PCDHGB5: variants seen among roughly 807,000 people sequenced by gnomAD.
PCDHGB5 encodes protocadherin gamma subfamily B, 5.
PCDHGB5 carries 48 observed loss-of-function variants against 62.9 expected under a neutral mutation model. The observed-to-expected ratio is 0.76, with a 90% CI of 0.61 to 0.97. The LOEUF is 0.97. PCDHGB5 is among the 50% of genes least tolerant of loss of function. The pLI is 0.00. For synonymous variants in PCDHGB5, 474 were observed against 511.2 expected (o/e 0.93, Z 0.98); for missense variants, 1,118 against 1,198.6 (o/e 0.93, Z 0.99).
At chr5:141,472,040 G>T (rs1431219928) in intron 1 of PCDHGB5, among the ~76,000 whole-genome samples, 4 of 152,018 alleles carry the variant, frequency 2.6e-5, no homozygotes, top group Non-Finnish European at 5.9e-5. Flanking sequence ...GCTGTGAAAA[G>T]ATTTTAAAAA....
At position 141,489,185 on chromosome 5, in the gene PCDHGB5, T is replaced by TCTA; in HGVS notation, c.2398-5620_2398-5618dup. Reference sequence around the variant, plus strand: ...CAGCTGCTGCATTCCAAGCCCTGGGTCTACCTTGGAGACAGGACAGCACAG... The same window carrying TCTA: ...CAGCTGCTGCATTCCAAGCCCTGGGTCTACTACCTTGGAGACAGGACAGCACAG... On this transcript the variant is annotated intron_variant, in intron 1 of 3. Coordinates refer to ENST00000617380, the MANE Select transcript of PCDHGB5 (RefSeq NM_018925.3). This position sits in a 1 kb window ranked among gnomAD's most constrained non-coding sequence, Gnocchi z 4.5. 7.8e-7 allele frequency: 1 copy of TCTA among 1,286,838 alleles called. No homozygotes were observed. The highest frequency in any genetic ancestry group is 1.5e-5 in the South Asian group (1 of 65,798). The allele number at this position is 1,286,838 out of a possible 1,614,324, so 79.7% of individuals were successfully genotyped here.
intron 1 of PCDHGB5, chr5:141,419,504 C>T (rs577411043): frequency 4.7e-5 from 75 of 1,612,298 alleles, no homozygotes; most frequent in South Asian, 2.7e-4. Flanking sequence ...TGTGAGCCTG[C>T]GCGTGTTGGT....
At chr5:141,421,794 G>A in intron 1 of PCDHGB5, 1 of 1,613,788 alleles carries the variant, frequency 6.2e-7, no homozygotes, top group Non-Finnish European at 8.5e-7. Flanking sequence ...GAACGGATGG[G>A]GCCAAGAATC....
At chr5:141,454,789 G>T (rs1368681394) in intron 1 of PCDHGB5, among the ~76,000 whole-genome samples, 1 of 129,576 alleles carries the variant, frequency 7.7e-6, no homozygotes, top group African/African-American at 3.1e-5. Flanking sequence ...AATCCTCCAT[G>T]GTTCTAATTT....
chr5:141,409,143 G>C (rs778597273), intron 1 of PCDHGB5: 2 of 1,613,986 alleles, frequency 1.2e-6, no homozygotes, highest in Admixed American at 3.3e-5. Context: ...GATGTAGAAA[G>C]GTACACCATG....
At chr5:141,419,635 G>A in intron 1 of PCDHGB5, 1 of 1,612,480 alleles carries the variant, frequency 6.2e-7, no homozygotes, top group African/African-American at 1.3e-5. Flanking sequence ...CCAAGGTGGT[G>A]GCCGTGGACG....
chr5:141,419,192 G>A (rs772847766), intron 1 of PCDHGB5: 65 of 1,613,816 alleles, frequency 4.0e-5, no homozygotes, highest in Middle Eastern at 1.6e-4. Context: ...CATTACTGAC[G>A]TCAATGACAA....
intron 1 of PCDHGB5, chr5:141,404,086 G>A: frequency 6.2e-7 from 1 of 1,613,630 alleles, no homozygotes; most frequent in Non-Finnish European, 8.5e-7. Flanking sequence ...ACTCCGGGAA[G>A]AATGGTCAAG....
At position 141,432,816 on chromosome 5, in the gene PCDHGB5, C is replaced by A. The variant is rs778545682; in HGVS notation, c.2397+32292C>A. Reference sequence around the variant, plus strand: ...CTCGAGTCTCCAGCTAACTCTGAAACCTCAGACCTCACTCTGTACCTGGTG... The same window carrying A: ...CTCGAGTCTCCAGCTAACTCTGAAAACTCAGACCTCACTCTGTACCTGGTG... On this transcript the variant is annotated intron_variant, in intron 1 of 3. Transcript: ENST00000617380. The surrounding 1 kb of genome is among the most constrained non-coding windows in gnomAD (Gnocchi z 6.0). The A allele has an allele frequency of 7.6e-5, 122 of 1,614,044 alleles. No individual in the cohort carries two copies. The highest frequency in any genetic ancestry group is 3.3e-5 in the Admixed American group (2 of 60,012).
At chr5:141,441,852 G>A in intron 1 of PCDHGB5, 1 of 352,826 alleles carries the variant, frequency 2.8e-6, no homozygotes, top group South Asian at 2.4e-5. Flanking sequence ...TGGATATGGT[G>A]CTGCACGCCG....
At chr5:141,430,653 A>G (rs2097300223) in intron 1 of PCDHGB5, 4 of 1,073,410 alleles carry the variant, frequency 3.7e-6, no homozygotes, top group Middle Eastern at 2.4e-4. Context: ...TGTGGAAACA[A>G]CGGAGGAGCT....
At chr5:141,414,762 T>G in intron 1 of PCDHGB5, 1 of 1,614,210 alleles carries the variant, frequency 6.2e-7, no homozygotes. Context: ...ATGAGCAGTT[T>G]CATGAGCTAC....
At chr5:141,412,001 A>G (rs2095528527) in intron 1 of PCDHGB5, 1 of 151,750 alleles carries the variant, frequency 6.6e-6, no homozygotes, top group Non-Finnish European at 1.5e-5. Flanking sequence ...GCATAGTGAC[A>G]TAAACACTTC....
chr5:141,404,350 C>T (rs757103755), intron 1 of PCDHGB5: 1 of 1,613,894 alleles, frequency 6.2e-7, no homozygotes, highest in Non-Finnish European at 8.5e-7. Flanking sequence ...AAAACAACGC[C>T]AGAGGTACTT....
At chr5:141,401,115 G>A (rs923480761) in intron 1 of PCDHGB5, among the ~76,000 whole-genome samples, 8 of 152,092 alleles carry the variant, frequency 5.3e-5, no homozygotes, top group Admixed American at 3.9e-4. Context: ...AGGCCGAGGC[G>A]GTTGGATCAC....
intron 1 of PCDHGB5, among the ~76,000 whole-genome samples, chr5:141,448,768 G>T (rs544426582): frequency 2.6e-5 from 4 of 151,750 alleles, no homozygotes; most frequent in Non-Finnish European, 4.4e-5. Context: ...GTGAAACCCC[G>T]TCTGTACTAA....
intron 1 of PCDHGB5, chr5:141,412,984 C>G: frequency 1.8e-6 from 1 of 558,874 alleles, no homozygotes; most frequent in Non-Finnish European, 3.0e-6. Flanking sequence ...GCAGCCAGAG[C>G]TCAATCCGGA....
chr5:141,420,845 G>T (rs1038454602), intron 1 of PCDHGB5, among the ~76,000 whole-genome samples: 4 of 152,200 alleles, frequency 2.6e-5, no homozygotes, highest in Non-Finnish European at 4.4e-5. Context: ...GGTGTTCTTG[G>T]TAAAGTTTTA....
In PCDHGB5 at chr5:141,505,419, C is replaced by T; in HGVS notation, c.2483C>T (p.Thr828Ile). 3 of 1,614,258 alleles carry T rather than the reference C, an allele frequency of 1.9e-6. No homozygotes were observed. Among genetic ancestry groups the T allele is most frequent in the Non-Finnish European group, 2.5e-6 (3 of 1,180,054 alleles). Residue 828 changes from threonine to isoleucine, a missense_variant, in exon 3 of 4, where the codon ACC becomes ATC. By Grantham distance (89) the Thr-to-Ile change is moderately conservative. Around this residue, in one of 2 missense-constraint regions of PCDHGB5, gnomAD observed 1,034 missense variants for 1,029.1 expected, o/e 1.00. Transcript: ENST00000617380. The part of the protein sequence containing the change: ...SGSQNGDDTG[T>I]WPNNQFDTEM... ...TCCCAAAATGGCGATGACACCGGCA[C>T]CTGGCCCAACAACCAGTTTGACACA...
Sources: gnomAD v4.1 joint callset for allele counts (sites outside exome capture counted in the v4.1 genomes callset) on GRCh38, gnomAD v4.1.1 for gene constraint, gnomAD v4.1.1 regional missense constraint, Gnocchi (gnomAD v3.1) non-coding constraint, MANE v1.5 for transcripts, NCBI Gene and HGNC (gene_info 2026-07-23, HGNC 2026-07-21) for gene names.